GTF3C1: variants seen among roughly 807,000 people sequenced by gnomAD.
The protein encoded by GTF3C1 is general transcription factor IIIC subunit 1.
In GTF3C1, 57 loss-of-function variants were observed where a neutral mutation model predicts 226.7. The observed-to-expected ratio is 0.25, with a 90% CI of 0.20 to 0.31. The LOEUF (loss-of-function observed/expected upper bound fraction) is 0.31, where lower values mean the gene tolerates loss of function less well. Ranked by LOEUF, GTF3C1 falls within the 10% of genes least tolerant of loss-of-function variation. The probability of loss-of-function intolerance (pLI) is 1.00; values close to 1 mark genes in which losing one functional copy is unlikely to be tolerated. For synonymous variants in GTF3C1, 1,090 were observed against 1,084.8 expected (o/e 1.00, Z -0.09); for missense variants, 2,217 against 2,776.1 (o/e 0.80, Z 4.53).
In GTF3C1 at chr16:27,506,935, C is replaced by T; in HGVS notation, c.1464G>A (p.Lys488=). The T allele has an allele frequency of 6.2e-7, 1 of 1,613,974 alleles. No individual in the cohort carries two copies. Among genetic ancestry groups the T allele is most frequent in the Non-Finnish European group, 8.5e-7 (1 of 1,179,936 alleles). ...SDSEEERSSS[K]RRGRGSQKDT... ...CTTTCTGGGACCCTCTGCCTCTCCG[C>T]TTGCTGCTGCTCCTCTCCTCCTCAC... The change falls in exon 9 of 37, where the codon AAG becomes AAA. Residue 488 remains lysine (K), a synonymous_variant. Coordinates refer to ENST00000356183, the MANE Select transcript of GTF3C1 (RefSeq NM_001520.4).
In GTF3C1 at chr16:27,463,596, A is replaced by G; in HGVS notation, c.5873-4T>C. 1 of 1,573,716 alleles carries G rather than the reference A, an allele frequency of 6.4e-7. No homozygotes were observed. The highest frequency in any genetic ancestry group is 8.7e-7 in the Non-Finnish European group (1 of 1,142,896). On this transcript the variant is annotated splice_polypyrimidine_tract_variant and splice_region_variant and intron_variant, in intron 34 of 36. Transcript: ENST00000356183. This position sits in a 1 kb window ranked among gnomAD's most constrained non-coding sequence, Gnocchi z 4.9. ...GCTCCGAAACTCTCTGTGAACCCTG[A>G]GGGAAGAGGAAGAGAATGTGAGAGA...
intron 29 of GTF3C1, among the ~76,000 whole-genome samples, chr16:27,472,457 C>T (rs2087890086): frequency 6.6e-6 from 1 of 152,176 alleles, no homozygotes; most frequent in Admixed American, 6.5e-5. Flanking sequence ...CCACAGCAGC[C>T]AGAGTAATCC....
At chr16:27,489,008 C>T in intron 21 of GTF3C1, 35 bp downstream of exon 21, 1 of 1,601,706 alleles carries the variant, frequency 6.2e-7, no homozygotes, top group Admixed American at 1.7e-5. Flanking sequence ...TAGCGAGGAC[C>T]CCTGAGATTG....
rs1236393734 is a variant in GTF3C1, at chr16:27,483,272, T to C, written c.4002-147A>G. ...TATGCCTGTTGCACAACTGCAGCTT[T>C]TACGAATGAAGGATTTGGGGTCAGC... On this transcript the variant is annotated intron_variant, in intron 25 of 36. Transcript: ENST00000356183. The C allele has an allele frequency of 3.9e-6, 3 of 770,356 alleles. No individual in the cohort carries two copies. In the African/African-American group the frequency reaches 5.2e-5, roughly 13 times the overall value. The allele number at this position is 770,356 out of a possible 1,614,324, so 47.7% of individuals were successfully genotyped here.
At chr16:27,497,993 T>C (rs760799638) in intron 13 of GTF3C1, among the ~76,000 whole-genome samples, 172 bp from the exon 14 acceptor site, 4 of 152,134 alleles carry the variant, frequency 2.6e-5, no homozygotes, top group Admixed American at 1.3e-4. Flanking sequence ...ACTGAAACTT[T>C]TGGGGGTGGT....
Position 27,492,551 on chromosome 16 carries a change from G to T in GTF3C1, c.2974-36C>A. On this transcript the variant is annotated intron_variant, in intron 18 of 36. Coordinates refer to ENST00000356183, the MANE Select transcript of GTF3C1 (RefSeq NM_001520.4). The surrounding 1 kb of genome is among the most constrained non-coding windows in gnomAD (Gnocchi z 5.0). Reference sequence around the variant, plus strand: ...ACACCAGACAGGGAGAACCCACATTGGGTCTGGCTGCTTGGAGACCGTTTA... The same window carrying T: ...ACACCAGACAGGGAGAACCCACATTTGGTCTGGCTGCTTGGAGACCGTTTA... The T allele has an allele frequency of 6.4e-7, 1 of 1,567,368 alleles. No homozygotes were observed. Among genetic ancestry groups the T allele is most frequent in the Non-Finnish European group, 8.8e-7 (1 of 1,137,442 alleles).
intron 26 of GTF3C1, 76 bp from the exon 27 acceptor site, chr16:27,481,267 T>C (rs926805908): frequency 3.9e-6 from 5 of 1,266,654 alleles, no homozygotes; most frequent in Admixed American, 1.7e-5. Flanking sequence ...CACCAAGGAA[T>C]ATCTTGTAAC....
chr16:27,529,440 CAA>C (rs34170986), intron 5 of GTF3C1, among the ~76,000 whole-genome samples: 23 of 110,876 alleles, frequency 2.1e-4, no homozygotes, highest in Non-Finnish European at 2.4e-4. Context: ...GACTCTGTTT[CAA>C]AAAAAAAAAA....
intron 6 of GTF3C1, among the ~76,000 whole-genome samples, chr16:27,524,079 C>T (rs796722149): frequency 1.1e-4 from 16 of 152,268 alleles, no homozygotes; most frequent in African/African-American, 3.1e-4. Flanking sequence ...ATGGGTCCTA[C>T]GCATGAACTT....
chr16:27,462,194 T>C lies in GTF3C1; in HGVS notation c.6117+100A>G. The C allele has an allele frequency of 1.3e-6, 1 of 778,050 alleles. No homozygotes were observed. The highest frequency in any genetic ancestry group is 2.1e-6 in the Non-Finnish European group (1 of 478,566). 48.2% of individuals were successfully genotyped at this position (778,050 alleles called of 1,614,324 possible). A position where few individuals can be genotyped will look rare whatever the true frequency, so the allele number is the denominator to read the frequency against. On this transcript the variant is annotated intron_variant, in intron 36 of 36. Coordinates refer to ENST00000356183, the MANE Select transcript of GTF3C1 (RefSeq NM_001520.4). This position sits in a 1 kb window ranked among gnomAD's most constrained non-coding sequence, Gnocchi z 4.5. ...GGGGAGGAGGTGCAGGCAAGCAGTA[T>C]GGTGGTACTGCATGTTGCCTGGGGC...
Position 27,492,790 on chromosome 16 carries a change from G to GGGGT in GTF3C1, c.2877-81_2877-78dup. The stretch of plus-strand genomic sequence containing the variant: ...CCGCAGGGGTCTGCATGTGGGGTGA[G>GGGGT]GGGTGCGACTTCCTTCTTCTCTTTT... On this transcript the variant is annotated intron_variant, in intron 17 of 36. Transcript: ENST00000356183. The surrounding 1 kb of genome is among the most constrained non-coding windows in gnomAD (Gnocchi z 5.0). 1.2e-6 allele frequency: 1 copy of GGGGT among 836,910 alleles called. No individual in the cohort carries two copies. The highest frequency in any genetic ancestry group is 1.3e-5 in the South Asian group (1 of 75,166). 51.8% of individuals were successfully genotyped at this position (836,910 alleles called of 1,614,324 possible). A position where few individuals can be genotyped will look rare whatever the true frequency, so the allele number is the denominator to read the frequency against.
intron 4 of GTF3C1, 35 bp downstream of exon 4, chr16:27,537,748 TA>T: frequency 6.5e-7 from 1 of 1,533,728 alleles, no homozygotes; most frequent in Non-Finnish European, 8.9e-7. Context: ...TGGCTGCAAC[TA>T]AAAAACCTAA....
Position 27,476,748 on chromosome 16 carries a change from T to C in GTF3C1, c.4260-204A>G, listed in dbSNP as rs1320317297. Among the ~76,000 whole-genome samples, 3 of 152,254 alleles carry C rather than the reference T, an allele frequency of 2.0e-5. No homozygotes were observed. The South Asian group carries it at 6.2e-4, about 31-fold the overall frequency. ...CAGGAGAAAAGTTTCTTTTAGTAGA[T>C]AGGGGGTGACCTACCTGGAACGGGT... is the stretch of plus-strand genomic sequence containing the variant. On this transcript the variant is annotated intron_variant, in intron 28 of 36. Coordinates refer to ENST00000356183, the MANE Select transcript of GTF3C1 (RefSeq NM_001520.4).
intron 6 of GTF3C1, among the ~76,000 whole-genome samples, chr16:27,513,538 T>C (rs573874733): frequency 6.6e-6 from 1 of 152,262 alleles, no homozygotes; most frequent in African/African-American, 2.4e-5. Context: ...GATGCTACAC[T>C]GTTAGATCTG....
At chr16:27,480,246 G>T (rs2088021776) in intron 27 of GTF3C1, among the ~76,000 whole-genome samples, 1 of 146,810 alleles carries the variant, frequency 6.8e-6, no homozygotes. Flanking sequence ...ACTTTACTGA[G>T]AATATGTGGA....
chr16:27,462,142 T>C lies in GTF3C1; in HGVS notation c.6117+152A>G. 1.6e-6 allele frequency: 1 copy of C among 619,440 alleles called. No homozygotes were observed. The highest frequency in any genetic ancestry group is 2.9e-6 in the Non-Finnish European group (1 of 349,246). The allele number at this position is 619,440 out of a possible 1,614,324, so 38.4% of individuals were successfully genotyped here. ...TGGTGAAGGACACTGAGGGACAGCCTGAGAGGCAGGAGCCCAGGACAAGCT... is the reference window on the plus strand; with the variant it reads ...TGGTGAAGGACACTGAGGGACAGCCCGAGAGGCAGGAGCCCAGGACAAGCT... On this transcript the variant is annotated intron_variant, in intron 36 of 36. Coordinates refer to ENST00000356183, the MANE Select transcript of GTF3C1 (RefSeq NM_001520.4). This position sits in a 1 kb window ranked among gnomAD's most constrained non-coding sequence, Gnocchi z 4.5.
chr16:27,540,211 A>G (rs2089061885), intron 2 of GTF3C1, among the ~76,000 whole-genome samples: 1 of 152,220 alleles, frequency 6.6e-6, no homozygotes, highest in African/African-American at 2.4e-5. Context: ...CTTTCTTCAC[A>G]TTGTTTGACA....
chr16:27,477,089 T>C (rs1054733502), intron 28 of GTF3C1, among the ~76,000 whole-genome samples: 2 of 152,346 alleles, frequency 1.3e-5, no homozygotes, highest in Admixed American at 1.3e-4. Context: ...GTGGGCTCTA[T>C]GGAATCTGTT....
intron 23 of GTF3C1, among the ~76,000 whole-genome samples, chr16:27,487,666 G>A (rs1392804027): frequency 2.6e-5 from 4 of 152,192 alleles, no homozygotes; most frequent in Admixed American, 6.5e-5. Context: ...GGTGGCGCAC[G>A]CCTGTAATCC....
Sources: gnomAD v4.1 joint callset for allele counts (sites outside exome capture counted in the v4.1 genomes callset) on GRCh38, gnomAD v4.1.1 for gene constraint, Gnocchi (gnomAD v3.1) non-coding constraint, MANE v1.5 for transcripts, NCBI Gene and HGNC (gene_info 2026-07-23, HGNC 2026-07-21) for gene names.